Variants in VAV3 observed in about 807,000 individuals in gnomAD.
VAV3 encodes the protein guanine nucleotide exchange factor VAV3.
VAV3 carries 94 observed loss-of-function variants against 131.2 expected under a neutral mutation model. The observed-to-expected ratio is 0.72, with a 90% CI of 0.61 to 0.85. The LOEUF (loss-of-function observed/expected upper bound fraction) is 0.85. Ranked by LOEUF, VAV3 falls within the 40% of genes least tolerant of loss-of-function variation. The probability of loss-of-function intolerance (pLI) is 0.00; values close to 1 mark genes in which losing one functional copy is unlikely to be tolerated. For missense variants in VAV3, 939 were observed against 1,002.7 expected, an observed-to-expected ratio of 0.94 and a Z score of 0.86; for synonymous variants, 349 against 342.0, an observed-to-expected ratio of 1.02 and a Z score of -0.22.
chr1:107,940,847 G>C (rs1412012531), intron 1 of VAV3, among the ~76,000 whole-genome samples: 2 of 152,140 alleles, frequency 1.3e-5, no homozygotes, highest in African/African-American at 2.4e-5. Context: ...TTAATGTATA[G>C]AGTTTCAGTT....
intron 1 of VAV3, among the ~76,000 whole-genome samples, chr1:107,877,958 G>C (rs182939802): frequency 6.6e-6 from 1 of 152,168 alleles, no homozygotes; most frequent in Non-Finnish European, 1.5e-5. Context: ...TAGAGGAAGT[G>C]AGGCTGCCAG....
intron 20 of VAV3, among the ~76,000 whole-genome samples, chr1:107,620,118 A>G (rs896419316): frequency 6.6e-6 from 1 of 152,166 alleles, no homozygotes; most frequent in African/African-American, 2.4e-5. Context: ...ATAGACTGTG[A>G]GTTCCTTGGC....
chr1:107,627,800 T>C (rs536018749), intron 20 of VAV3, among the ~76,000 whole-genome samples: 9 of 152,308 alleles, frequency 5.9e-5, no homozygotes, highest in Admixed American at 4.6e-4. Context: ...ACTTTAATGG[T>C]CTTTCAAATG....
chr1:107,750,466 A>T (rs930154850), intron 13 of VAV3, among the ~76,000 whole-genome samples: 8 of 152,214 alleles, frequency 5.3e-5, no homozygotes, highest in Non-Finnish European at 8.8e-5. Flanking sequence ...ACACATTCAC[A>T]GGGCTGTAAC....
At chr1:107,786,819 C>T (rs1666033775) in intron 2 of VAV3, among the ~76,000 whole-genome samples, 1 of 152,288 alleles carries the variant, frequency 6.6e-6, no homozygotes, top group South Asian at 2.1e-4. Context: ...AATTTCCAGA[C>T]AAGTCCTTTA....
At chr1:107,885,214 T>C (rs1034760428) in intron 1 of VAV3, among the ~76,000 whole-genome samples, 2 of 151,928 alleles carry the variant, frequency 1.3e-5, no homozygotes, top group African/African-American at 2.4e-5. Flanking sequence ...GAGTACAACA[T>C]TCAAAATGAG....
At chr1:107,674,996 C>T (rs992487597) in intron 19 of VAV3, among the ~76,000 whole-genome samples, 7 of 152,102 alleles carry the variant, frequency 4.6e-5, no homozygotes, top group African/African-American at 1.2e-4. Context: ...TGGAATCCCG[C>T]GAAAAGCAGT....
At chr1:107,736,808 C>T (rs563607118) in intron 15 of VAV3, among the ~76,000 whole-genome samples, 113 of 152,076 alleles carry the variant, frequency 7.4e-4, no homozygotes, top group Non-Finnish European at 1.3e-3. Context: ...CAATGCCATC[C>T]CCATCCAGCT....
intron 22 of VAV3, among the ~76,000 whole-genome samples, chr1:107,609,140 A>G (rs1379981420): frequency 6.6e-6 from 1 of 152,232 alleles, no homozygotes; most frequent in Non-Finnish European, 1.5e-5. Context: ...TAAATGTTGA[A>G]GAAATAAAAC....
chr1:107,786,268 A>C (rs1665998431), intron 2 of VAV3, among the ~76,000 whole-genome samples: 1 of 152,236 alleles, frequency 6.6e-6, no homozygotes, highest in Non-Finnish European at 1.5e-5. Flanking sequence ...TTCTATACTT[A>C]CTATTTTTTG....
rs929521302 is a variant in VAV3 at position 107,609,846 on chromosome 1, T to C, written c.2015+85A>G. 1.6e-5 allele frequency: 22 copies of C among 1,339,984 alleles called. No individual in the cohort carries two copies. In the East Asian group the frequency reaches 5.1e-4, roughly 31 times the overall value. 83.0% of individuals were successfully genotyped at this position (1,339,984 alleles called of 1,614,324 possible). On this transcript the variant is annotated intron_variant, in intron 22 of 26. Coordinates refer to ENST00000370056, the MANE Select transcript of VAV3 (RefSeq NM_006113.5). ...AGCCGAGACAAATGGAAATGGAATA[T>C]GGTTTACTACCCCCACATTTAAGGC...
At chr1:107,586,218 T>C (rs1558067630) in intron 25 of VAV3, among the ~76,000 whole-genome samples, 1 of 151,800 alleles carries the variant, frequency 6.6e-6, no homozygotes, top group African/African-American at 2.4e-5. Flanking sequence ...ATCCATTAGC[T>C]ACCTTCCCTA....
At chr1:107,761,224 C>A (rs1447810157) in intron 9 of VAV3, among the ~76,000 whole-genome samples, 3 of 151,820 alleles carry the variant, frequency 2.0e-5, no homozygotes, top group Non-Finnish European at 2.9e-5. Context: ...CCCATCTCTA[C>A]TGAAAATACA....
intron 15 of VAV3, among the ~76,000 whole-genome samples, chr1:107,743,424 T>C (rs1300057996): frequency 6.6e-6 from 1 of 152,190 alleles, no homozygotes; most frequent in Non-Finnish European, 1.5e-5. Flanking sequence ...TGGGACTCTG[T>C]ATGTTGATCC....
At chr1:107,618,483 G>A (rs1431823735) in intron 20 of VAV3, among the ~76,000 whole-genome samples, 5 of 152,194 alleles carry the variant, frequency 3.3e-5, no homozygotes, top group African/African-American at 7.2e-5. Context: ...GAAGAAGACC[G>A]TAAGATTTTG....
chr1:107,828,894 A>G (rs1557870452), intron 2 of VAV3, among the ~76,000 whole-genome samples: 1 of 151,624 alleles, frequency 6.6e-6, no homozygotes, highest in Non-Finnish European at 1.5e-5. Flanking sequence ...ATCAATCTTG[A>G]AAACATCAAC....
At chr1:107,945,245 A>AG (rs1674194118) in intron 1 of VAV3, among the ~76,000 whole-genome samples, 2 of 152,324 alleles carry the variant, frequency 1.3e-5, no homozygotes, top group South Asian at 4.1e-4. Context: ...TAAGAAAAAA[A>AG]CAAGATCTTA....
At chr1:107,712,142 A>G (rs1306926022) in intron 15 of VAV3, among the ~76,000 whole-genome samples, 1 of 152,228 alleles carries the variant, frequency 6.6e-6, no homozygotes, top group Non-Finnish European at 1.5e-5. Flanking sequence ...ACGCACACTT[A>G]TAAATATACA....
chr1:107,636,897 T>C (rs1482526195), intron 20 of VAV3, among the ~76,000 whole-genome samples: 4 of 151,944 alleles, frequency 2.6e-5, no homozygotes, highest in Non-Finnish European at 5.9e-5. Flanking sequence ...GAAAGGAAAG[T>C]ACACAAATCA....
Sources: allele counts gnomAD v4.1 joint callset (sites outside exome capture counted in the v4.1 genomes callset), GRCh38; gene constraint gnomAD v4.1.1; transcripts MANE v1.5; gene names NCBI Gene and HGNC (gene_info 2026-07-23, HGNC 2026-07-21).